The following RIPOR2 variants were observed in gnomAD, a reference collection of about 807,000 sequenced individuals.
RIPOR2 encodes rho family-interacting cell polarization regulator 2.
Under a neutral mutation model 114.5 loss-of-function variants are expected in RIPOR2, and 39 were observed. That is an observed-to-expected ratio of 0.34 (90% CI 0.26 to 0.44). RIPOR2 has a LOEUF of 0.44. Among genes scored for constraint, RIPOR2 ranks in the 20% least tolerant of loss-of-function variants. The probability of loss-of-function intolerance (pLI) is 1.00; values close to 1 mark genes in which losing one functional copy is unlikely to be tolerated. For missense variants in RIPOR2, 1,007 were observed against 1,255.1 expected (o/e 0.80, Z 2.99); for synonymous variants, 445 against 484.4 (o/e 0.92, Z 1.07).
At chr6:24,904,271 G>A (rs1317336918) in intron 1 of RIPOR2, among the ~76,000 whole-genome samples, 3 of 152,172 alleles carry the variant, frequency 2.0e-5, no homozygotes, top group African/African-American at 4.8e-5. Flanking sequence ...GTTACCTTCC[G>A]GCGGCTCGAG....
chr6:25,041,886 G>A, exon 1 of RIPOR2: 1 of 702,834 alleles, frequency 1.4e-6, no homozygotes, highest in Middle Eastern at 2.3e-4. Context: ...GTCCCTCCAT[G>A]GCCTGTTTCT....
intron 13 of RIPOR2, chr6:24,840,402 G>A: frequency 8.3e-7 from 1 of 1,202,780 alleles, no homozygotes; most frequent in South Asian, 1.7e-5. Flanking sequence ...CCATTCTCTG[G>A]CCTGGAGCAT....
At chr6:24,936,806 C>T (rs998061112), upstream of RIPOR2, among the ~76,000 whole-genome samples, 4 of 152,118 alleles carry the variant, frequency 2.6e-5, no homozygotes, top group Non-Finnish European at 5.9e-5. Flanking sequence ...GACTTCATTT[C>T]GGGGTTTCCC....
exon 1 of RIPOR2, chr6:25,041,939 G>A (rs974176773): frequency 7.1e-6 from 5 of 702,066 alleles, no homozygotes; most frequent in African/African-American, 1.8e-5. Context: ...TCCCAACAGA[G>A]CGGCCTAAAA....
At position 24,849,916 on chromosome 6, in the gene RIPOR2, A is replaced by G. The variant is rs756627477; in HGVS notation, c.920T>C (p.Leu307Pro). 1.2e-6 allele frequency: 2 copies of G among 1,613,900 alleles called. No individual in the cohort carries two copies. Among genetic ancestry groups the G allele is most frequent in the Non-Finnish European group, 1.7e-6 (2 of 1,179,832 alleles). ...TELKGLATHI[L>P]VGSVTCETKE... ...GGTCTCACAGGTCACGCTACCTACC[A>G]GGATGTGAGTTGCTAGCCCTTTGAG... Residue 307 changes from leucine to proline, a missense_variant, in exon 11 of 22, where the codon CTG becomes CCG. Leu to Pro is a moderately conservative substitution (Grantham distance 98, BLOSUM62 -3). Transcript: ENST00000643898.
At chr6:24,897,794 T>C (rs950219454) in intron 1 of RIPOR2, among the ~76,000 whole-genome samples, 1 of 152,030 alleles carries the variant, frequency 6.6e-6, no homozygotes. Flanking sequence ...TGAGATGATG[T>C]CTGGTTCTAT....
chr6:25,030,065 CA>C (rs1213139858), intron 1 of RIPOR2, among the ~76,000 whole-genome samples: 1 of 152,038 alleles, frequency 6.6e-6, no homozygotes, highest in Non-Finnish European at 1.5e-5. Context: ...TTACAGCCTC[CA>C]CTATAGTGTC....
chr6:24,951,351 T>C, intron 1 of RIPOR2, among the ~76,000 whole-genome samples: 1 of 152,170 alleles, frequency 6.6e-6, no homozygotes, highest in Non-Finnish European at 1.5e-5. Context: ...CAAATAGACA[T>C]TTTCTCACGT....
intron 1 of RIPOR2, among the ~76,000 whole-genome samples, chr6:24,904,558 A>T (rs1346015303): frequency 6.6e-6 from 1 of 152,250 alleles, no homozygotes; most frequent in African/African-American, 2.4e-5. Context: ...AGGGCGACAT[A>T]GTCACAGGTT....
At chr6:25,031,699 T>TTATA (rs58886088) in intron 1 of RIPOR2, among the ~76,000 whole-genome samples, 13 of 35,458 alleles carry the variant, frequency 3.7e-4, no homozygotes, top group East Asian at 9.7e-4. Flanking sequence ...TAGGTGGTAG[T>TTATA]TATATATATA....
At chr6:24,980,426 A>G (rs1448258087) in intron 1 of RIPOR2, among the ~76,000 whole-genome samples, 1 of 152,200 alleles carries the variant, frequency 6.6e-6, no homozygotes. Flanking sequence ...ATACTCTTTT[A>G]CAGATACATG....
At chr6:24,921,614 C>T (rs1770492580) in intron 1 of RIPOR2, among the ~76,000 whole-genome samples, 1 of 152,046 alleles carries the variant, frequency 6.6e-6, no homozygotes, top group Non-Finnish European at 1.5e-5. Context: ...TCCTATTCTG[C>T]CCACCCTGCA....
chr6:24,966,800 G>C (rs1444158961), intron 1 of RIPOR2, among the ~76,000 whole-genome samples: 5 of 152,164 alleles, frequency 3.3e-5, no homozygotes, highest in African/African-American at 1.2e-4. Flanking sequence ...TGCTGTACTT[G>C]ACCATGCAAA....
In RIPOR2 at chr6:25,030,332, G is replaced by C. The variant is rs560486753; in HGVS notation, c.76+11519C>G. 2.3e-4 allele frequency among the ~76,000 whole-genome samples: 35 copies of C among 152,214 alleles called. No individual in the cohort carries two copies. In the East Asian group the frequency reaches 6.0e-3, roughly 26 times the overall value. ...ATGATATTCCCAGGGTACACATGAGGTGGAGTGGGATTCAGAGGGTTCAGA... is the reference window on the plus strand; with the variant it reads ...ATGATATTCCCAGGGTACACATGAGCTGGAGTGGGATTCAGAGGGTTCAGA... On this transcript the variant is annotated intron_variant, in intron 1 of 13. Transcript: ENST00000510784.
In RIPOR2 at chr6:25,023,466, C is replaced by G. The variant is rs191077494; in HGVS notation, c.76+18385G>C. ...ACCTGCGCTTTCCCTCCCACTTGCC[C>G]CTAGGACTTGGCGATGCAGTGGCGG... On this transcript the variant is annotated intron_variant, in intron 1 of 13. Transcript: ENST00000510784. 2.6e-5 allele frequency: 20 copies of G among 768,380 alleles called. 2 individuals are homozygous for G. The highest frequency in any genetic ancestry group is 2.4e-4 in the Admixed American group (14 of 58,602). The allele number at this position is 768,380 out of a possible 1,614,324, so 47.6% of individuals were successfully genotyped here. A position where few individuals can be genotyped will look rare whatever the true frequency, so the allele number is the denominator to read the frequency against.
intron 1 of RIPOR2, among the ~76,000 whole-genome samples, chr6:25,011,548 G>T (rs1775775243): frequency 6.6e-6 from 1 of 152,248 alleles, no homozygotes; most frequent in Non-Finnish European, 1.5e-5. Flanking sequence ...TATAATGTGT[G>T]AGGGGAATTG....
chr6:25,011,147 T>C (rs1459891391), intron 1 of RIPOR2, among the ~76,000 whole-genome samples: 1 of 152,194 alleles, frequency 6.6e-6, no homozygotes, highest in Non-Finnish European at 1.5e-5. Flanking sequence ...AATTTGGCAA[T>C]GAGCAGTGGA....
chr6:25,041,031 G>C (rs866981152), intron 1 of RIPOR2, among the ~76,000 whole-genome samples: 1 of 152,218 alleles, frequency 6.6e-6, no homozygotes, highest in Middle Eastern at 3.4e-3. Context: ...ACTGCCTATT[G>C]CTACCTCATA....
chr6:24,983,887 T>C (rs1380671271), intron 1 of RIPOR2, among the ~76,000 whole-genome samples: 1 of 151,038 alleles, frequency 6.6e-6, no homozygotes, highest in Non-Finnish European at 1.5e-5. Flanking sequence ...TTCTATCCAA[T>C]GGTATAGAAA....
Sources: allele counts gnomAD v4.1 joint callset (sites outside exome capture counted in the v4.1 genomes callset), GRCh38; gene constraint gnomAD v4.1.1; transcripts MANE v1.5; gene names NCBI Gene and HGNC (gene_info 2026-07-23, HGNC 2026-07-21).